Variants in PTAFR observed in about 807,000 individuals in gnomAD.
PTAFR encodes platelet-activating factor receptor.
In PTAFR, 8 loss-of-function variants were observed where a neutral mutation model predicts 14.7. That is an observed-to-expected ratio of 0.54 (90% CI 0.32 to 0.98). The LOEUF is 0.98. Ranked by LOEUF, PTAFR falls within the 50% of genes least tolerant of loss-of-function variation. The pLI, the probability that PTAFR is intolerant of heterozygous loss-of-function variation, is 0.04. For missense variants in PTAFR, 337 were observed against 451.2 expected (o/e 0.75, Z 2.29); for synonymous variants, 156 against 176.5 (o/e 0.88, Z 0.92).
intron 1 of PTAFR, among the ~76,000 whole-genome samples, chr1:28,152,530 G>A (rs1010850935): frequency 1.3e-5 from 2 of 152,068 alleles, no homozygotes; most frequent in Non-Finnish European, 2.9e-5. Context: ...ATCTCCTGAT[G>A]TCAGGAGTTC....
At chr1:28,170,520 A>T (rs1646441126) in intron 1 of PTAFR, among the ~76,000 whole-genome samples, 1 of 152,070 alleles carries the variant, frequency 6.6e-6, no homozygotes, top group East Asian at 1.9e-4. Context: ...CCTGAGCAAC[A>T]TAACCAAATT....
At chr1:28,162,418 C>A (rs1009066122) in intron 1 of PTAFR, among the ~76,000 whole-genome samples, 1 of 152,158 alleles carries the variant, frequency 6.6e-6, no homozygotes, top group Middle Eastern at 3.2e-3. Flanking sequence ...GCAGAGTGAG[C>A]CCTCTACAAA....
Position 28,190,680 on chromosome 1 carries a change from G to A in PTAFR, c.-39+3042C>T, listed in dbSNP as rs1646644925. On this transcript the variant is annotated intron_variant, in intron 1 of 1. Coordinates refer to the PTAFR transcript ENST00000305392. ...ATAACAGAATAGAGAAAGAGTCACG[G>A]GAGGAAGGGGACTGCTCTAAAACCA... 2.0e-5 allele frequency among the ~76,000 whole-genome samples: 3 copies of A among 152,082 alleles called. No homozygotes were observed. In the South Asian group the frequency reaches 6.2e-4, roughly 31 times the overall value.
chr1:28,150,082 T>G lies in PTAFR; in HGVS notation c.940A>C (p.Ser314Arg), dbSNP rs761129695. Residue 314 changes from serine to arginine, a missense_variant, in exon 2 of 2, where the codon AGC (serine) becomes CGC (arginine). By Grantham distance (110) the Ser-to-Arg change is moderately radical. Coordinates refer to ENST00000373857, the MANE Select transcript of PTAFR (RefSeq NM_000952.5). The surrounding 1 kb of genome is among the most constrained non-coding windows in gnomAD (Gnocchi z 6.3). ...GTGGTGGCCCGGGAGCATTTCCGGC[T>G]ACTGCGCATGCTGTAGAACTTTTCG... ...LTEKFYSMRS[S>R]RKCSRATTDT... The G allele has an allele frequency of 1.2e-6, 2 of 1,614,218 alleles. No homozygotes were observed. Among genetic ancestry groups the G allele is most frequent in the South Asian group, 2.2e-5 (2 of 91,088 alleles).
At chr1:28,180,101 G>A (rs548218538), upstream of PTAFR, among the ~76,000 whole-genome samples, 8 of 152,298 alleles carry the variant, frequency 5.3e-5, no homozygotes, top group South Asian at 1.7e-3. Context: ...CTGAGCCCAG[G>A]AGTTTGAGAC....
chr1:28,190,324 A>G (rs1160285082), intron 1 of PTAFR, among the ~76,000 whole-genome samples: 1 of 152,182 alleles, frequency 6.6e-6, no homozygotes, highest in Non-Finnish European at 1.5e-5. Flanking sequence ...TGCAATACAC[A>G]TGCATCCACA....
Position 28,150,256 on chromosome 1 carries a change from T to C in PTAFR, c.766A>G (p.Thr256Ala). Residue 256 changes from threonine (T) to alanine (A), a missense_variant, in exon 2 of 2, where the codon ACC (threonine) becomes GCC (alanine). By Grantham distance (58) the Thr-to-Ala change is moderately conservative. Coordinates refer to ENST00000373857, the MANE Select transcript of PTAFR (RefSeq NM_000952.5). This position sits in a 1 kb window ranked among gnomAD's most constrained non-coding sequence, Gnocchi z 6.3. ...VPHHVVQLPW[T>A]LAELGFQDSK... ...TCCTGGAAGCCCAGCTCAGCAAGGG[T>C]CCAGGGCAGCTGCACCACGTGGTGG... 1.2e-6 allele frequency: 2 copies of C among 1,612,666 alleles called. No homozygotes were observed. The highest frequency in any genetic ancestry group is 1.7e-6 in the Non-Finnish European group (2 of 1,178,970).
chr1:28,177,119 C>G (rs1646523781), upstream of PTAFR: 1 of 152,380 alleles, frequency 6.6e-6, no homozygotes, highest in African/African-American at 2.4e-5. Flanking sequence ...CAAGGAGATT[C>G]AGGGACAAAG....
chr1:28,188,896 G>C (rs2149009176), intron 1 of PTAFR, among the ~76,000 whole-genome samples: 1 of 151,194 alleles, frequency 6.6e-6, no homozygotes, highest in Admixed American at 6.7e-5. Context: ...ATTCACAGAA[G>C]GAAAAGCCCA....
intron 1 of PTAFR, among the ~76,000 whole-genome samples, chr1:28,183,586 C>G (rs577901540): frequency 6.6e-6 from 1 of 152,290 alleles, no homozygotes; most frequent in Non-Finnish European, 1.5e-5. Flanking sequence ...CGTGACTACA[C>G]CACTGCCACT....
intron 1 of PTAFR, among the ~76,000 whole-genome samples, chr1:28,168,923 C>T (rs1411335284): frequency 1.3e-5 from 2 of 152,082 alleles, no homozygotes; most frequent in Admixed American, 1.3e-4. Context: ...CCTCATTGAC[C>T]TCCCAAAGTG....
chr1:28,164,040 T>C (rs1022981449), intron 1 of PTAFR, among the ~76,000 whole-genome samples: 1 of 152,126 alleles, frequency 6.6e-6, no homozygotes, highest in Non-Finnish European at 1.5e-5. Context: ...GGTACCCTTT[T>C]CCCTGTGCAG....
chr1:28,184,259 A>AT (rs1266998077), intron 1 of PTAFR, among the ~76,000 whole-genome samples: 1 of 151,304 alleles, frequency 6.6e-6, no homozygotes, highest in East Asian at 1.9e-4. Flanking sequence ...CGCCCAACTG[A>AT]TTTTTGTATT....
At chr1:28,176,793 G>A (rs1572045845), upstream of PTAFR, 1 of 153,030 alleles carries the variant, frequency 6.5e-6, no homozygotes, top group East Asian at 1.9e-4. Flanking sequence ...TGGGCCGCCA[G>A]GACCTGGGCA....
At chr1:28,165,905 G>C (rs934148897) in intron 1 of PTAFR, among the ~76,000 whole-genome samples, 1 of 152,142 alleles carries the variant, frequency 6.6e-6, no homozygotes, top group Admixed American at 6.5e-5. Context: ...GTGATCTACA[G>C]GTTCAATGCC....
At chr1:28,167,002 A>G (rs1313151576) in intron 1 of PTAFR, among the ~76,000 whole-genome samples, 1 of 152,194 alleles carries the variant, frequency 6.6e-6, no homozygotes, top group African/African-American at 2.4e-5. Flanking sequence ...TTAATTAATT[A>G]GTTATTTACA....
At chr1:28,188,788 A>G (rs547435017) in intron 1 of PTAFR, among the ~76,000 whole-genome samples, 1 of 152,328 alleles carries the variant, frequency 6.6e-6, no homozygotes, top group East Asian at 1.9e-4. Context: ...TATTTGCAAC[A>G]TATATAACAA....
At chr1:28,167,007 T>G (rs539862341) in intron 1 of PTAFR, among the ~76,000 whole-genome samples, 26 of 152,056 alleles carry the variant, frequency 1.7e-4, no homozygotes, top group East Asian at 1.9e-4. Flanking sequence ...TAATTAGTTA[T>G]TTACATTAAA....
chr1:28,165,403 CAAAAAAAAAAA>C (rs36099131), intron 1 of PTAFR, among the ~76,000 whole-genome samples: 1 of 45,896 alleles, frequency 2.2e-5, no homozygotes, highest in Non-Finnish European at 4.5e-5. Flanking sequence ...GACTCTGTCT[CAAAAAAAAAAA>C]AAAAAAAAAA....
Sources: gnomAD v4.1 joint callset for allele counts (sites outside exome capture counted in the v4.1 genomes callset) on GRCh38, gnomAD v4.1.1 for gene constraint, Gnocchi (gnomAD v3.1) non-coding constraint, MANE v1.5 for transcripts, NCBI Gene and HGNC (gene_info 2026-07-23, HGNC 2026-07-21) for gene names.